The following OLFM3 variants were observed in gnomAD, a reference collection of about 807,000 sequenced individuals.
OLFM3 encodes noelin-3.
Under a neutral mutation model 48.6 loss-of-function variants are expected in OLFM3, and 20 were observed. The ratio of observed to expected loss-of-function variants is 0.41; its 90% CI spans 0.29 to 0.60. The LOEUF is 0.60. OLFM3 is among the 20% of genes least tolerant of loss of function. OLFM3 has a pLI of 0.28. For missense variants in OLFM3, 437 were observed against 544.3 expected (o/e 0.80, Z 1.96); for synonymous variants, 222 against 198.1 (o/e 1.12, Z -1.01).
chr1:101,883,808 A>G (rs1026514635), intron 1 of OLFM3, among the ~76,000 whole-genome samples: 17 of 152,012 alleles, frequency 1.1e-4, no homozygotes, highest in Admixed American at 8.5e-4. Flanking sequence ...TACATGTGTA[A>G]AAGACAAACA....
At chr1:101,983,342 T>TCTCTTATC (rs1661151693) in intron 1 of OLFM3, among the ~76,000 whole-genome samples, 1 of 152,176 alleles carries the variant, frequency 6.6e-6, no homozygotes, top group South Asian at 2.1e-4. Flanking sequence ...CAGGGAACTC[T>TCTCTTATC]CTCTTATCCT....
At position 101,912,583 on chromosome 1, in the gene OLFM3, C is replaced by T. The variant is rs974007200; in HGVS notation, c.70-75558G>A. 2.0e-5 allele frequency among the ~76,000 whole-genome samples: 3 copies of T among 152,136 alleles called. No individual in the cohort carries two copies. The East Asian group carries it at 5.8e-4, about 29-fold the overall frequency. ...ACTACACTTATTCACAGCAGAAATG[C>T]TAAGGGGATATAAGACAGAGGTTGA... is the stretch of plus-strand genomic sequence containing the variant. On this transcript the variant is annotated intron_variant, in intron 1 of 5. Transcript: ENST00000370103.
Position 101,912,033 on chromosome 1 carries a change from C to A in OLFM3, c.70-75008G>T, listed in dbSNP as rs182838867. 5.9e-5 allele frequency among the ~76,000 whole-genome samples: 9 copies of A among 152,186 alleles called. No individual in the cohort carries two copies. The East Asian group carries it at 1.7e-3, about 29-fold the overall frequency. The stretch of plus-strand genomic sequence containing the variant: ...GCTTTGGCAGTGAGGCATGACAGGT[C>A]CTCAGCCAGGAGAAGAAGGGGGTTT... On this transcript the variant is annotated intron_variant, in intron 1 of 5. Transcript: ENST00000370103.
intron 1 of OLFM3, among the ~76,000 whole-genome samples, chr1:101,923,693 A>G (rs1432637847): frequency 6.6e-6 from 1 of 152,046 alleles, no homozygotes; most frequent in East Asian, 1.9e-4. Flanking sequence ...TTCTTTACTT[A>G]TTTTTATCTT....
Position 101,927,633 on chromosome 1 carries a change from C to T in OLFM3, c.69+69115G>A, listed in dbSNP as rs749534179. 7.3e-5 allele frequency among the ~76,000 whole-genome samples: 11 copies of T among 151,636 alleles called. No homozygotes were observed. The South Asian group carries it at 2.3e-3, about 31-fold the overall frequency. On this transcript the variant is annotated intron_variant, in intron 1 of 5. Transcript: ENST00000370103. ...TAATGAAATATATTAACTACTATCA[C>T]TTAGTCATTATGCTAAATATTAACA...
intron 4 of OLFM3, among the ~76,000 whole-genome samples, chr1:101,810,428 A>T (rs1268849918): frequency 6.6e-6 from 1 of 152,016 alleles, no homozygotes; most frequent in African/African-American, 2.4e-5. Context: ...GAGCAGAGCT[A>T]AAGAAGGAGA....
At chr1:101,815,221 C>T (rs561160697) in intron 4 of OLFM3, among the ~76,000 whole-genome samples, 10 of 151,890 alleles carry the variant, frequency 6.6e-5, no homozygotes, top group African/African-American at 1.9e-4. Flanking sequence ...CTGAGGTGGG[C>T]GGATCACAAG....
At chr1:101,898,065 A>C (rs541046471) in intron 1 of OLFM3, among the ~76,000 whole-genome samples, 20 of 152,328 alleles carry the variant, frequency 1.3e-4, no homozygotes, top group African/African-American at 4.8e-4. Context: ...TTGGGATAAG[A>C]AAAATTTTTA....
chr1:101,978,072 G>T (rs919995313), intron 1 of OLFM3, among the ~76,000 whole-genome samples: 1 of 152,076 alleles, frequency 6.6e-6, no homozygotes, highest in Non-Finnish European at 1.5e-5. Flanking sequence ...TGAAAAATAA[G>T]TTAGTTTATC....
chr1:101,924,869 A>C (rs1307989925), intron 1 of OLFM3, among the ~76,000 whole-genome samples: 1 of 152,198 alleles, frequency 6.6e-6, no homozygotes, highest in African/African-American at 2.4e-5. Flanking sequence ...ACAATGTAGT[A>C]AGAAGCTGAA....
At chr1:101,852,004 T>G (rs536012492) in intron 1 of OLFM3, among the ~76,000 whole-genome samples, 3 of 152,056 alleles carry the variant, frequency 2.0e-5, no homozygotes, top group Non-Finnish European at 4.4e-5. Context: ...ACCCTTTGAG[T>G]AGACAGCCCT....
Position 101,938,335 on chromosome 1 carries a change from C to T in OLFM3, c.69+58413G>A, listed in dbSNP as rs554463309. On this transcript the variant is annotated intron_variant, in intron 1 of 5. Coordinates refer to ENST00000370103, the MANE Select transcript of OLFM3 (RefSeq NM_058170.4). ...CCTGAAACACCAGTGTAAACTAGAA[C>T]AGGACTTTACCTCTGAGTTTCTATC... is the stretch of plus-strand genomic sequence containing the variant. Among the ~76,000 whole-genome samples the T allele has an allele frequency of 6.6e-5, 10 of 152,290 alleles. No homozygotes were observed. In the South Asian group the frequency reaches 2.1e-3, roughly 32 times the overall value.
chr1:101,926,576 C>T (rs1659276221), intron 1 of OLFM3, among the ~76,000 whole-genome samples: 1 of 152,144 alleles, frequency 6.6e-6, no homozygotes, highest in South Asian at 2.1e-4. Flanking sequence ...CTTCTGGTTT[C>T]AAATTTTAGC....
chr1:101,958,870 T>C (rs1056659811), intron 1 of OLFM3, among the ~76,000 whole-genome samples: 1 of 150,136 alleles, frequency 6.7e-6, no homozygotes, highest in Non-Finnish European at 1.5e-5. Context: ...ATTAATGTAA[T>C]TGGCATATCT....
At chr1:101,918,366 G>A (rs573567197) in intron 1 of OLFM3, among the ~76,000 whole-genome samples, 2 of 152,216 alleles carry the variant, frequency 1.3e-5, no homozygotes, top group South Asian at 4.1e-4. Flanking sequence ...AATAGGTATC[G>A]TGGGGCTGAA....
intron 5 of OLFM3, among the ~76,000 whole-genome samples, chr1:101,805,750 T>C (rs1399153616): frequency 6.6e-6 from 1 of 151,784 alleles, no homozygotes; most frequent in Non-Finnish European, 1.5e-5. Context: ...CCCTTGAGTT[T>C]TTCACTTATT....
rs531282739 is a variant in OLFM3 at position 101,942,904 on chromosome 1, T to G, written c.69+53844A>C. Among the ~76,000 whole-genome samples the G allele has an allele frequency of 1.8e-3, 267 of 152,286 alleles. 1 individual carries two copies. The highest frequency in any genetic ancestry group is 1.3e-3 in the Non-Finnish European group (90 of 68,002). On this transcript the variant is annotated intron_variant, in intron 1 of 5. Transcript: ENST00000370103. ...TAATTTTTTCTTTGGTTACTAACGG[T>G]GACTCCTGAGAGTCACTATTTACAA...
In OLFM3 at chr1:101,830,765, A is replaced by T. The variant is rs143905952; in HGVS notation, c.279T>A (p.Tyr93Ter). The T allele has an allele frequency of 1.2e-6, 2 of 1,614,114 alleles. No homozygotes were observed. The highest frequency in any genetic ancestry group is 2.7e-5 in the African/African-American group (2 of 75,054). The part of the protein sequence containing the change: ...LNLRTQRDFQ[Y>*]VLKMETQMKG... ...TCATTTGGGTTTCCATTTTTAAAACATATTGGAAATCTCTCTGAGTTCTCA... is the reference window on the plus strand; with the variant it reads ...TCATTTGGGTTTCCATTTTTAAAACTTATTGGAAATCTCTCTGAGTTCTCA... Residue 93 changes from tyrosine (Y) to a stop codon, truncating the protein, a stop_gained, in exon 3 of 6, where the codon TAT (tyrosine) becomes TAA (stop). Coordinates refer to ENST00000370103, the MANE Select transcript of OLFM3 (RefSeq NM_058170.4). LOFTEE classifies it high-confidence loss of function.
intron 1 of OLFM3, among the ~76,000 whole-genome samples, chr1:101,969,827 G>A (rs775223543): frequency 2.0e-5 from 3 of 151,924 alleles, no homozygotes; most frequent in Non-Finnish European, 4.4e-5. Context: ...TAAGTGAGTC[G>A]GCACTATGAG....
Sources: allele counts gnomAD v4.1 joint callset (sites outside exome capture counted in the v4.1 genomes callset), GRCh38; gene constraint gnomAD v4.1.1; transcripts MANE v1.5; gene names NCBI Gene and HGNC (gene_info 2026-07-23, HGNC 2026-07-21).